HYAL4: variants seen among roughly 807,000 people sequenced by gnomAD.
HYAL4 encodes the protein hyaluronidase-4.
Under a neutral mutation model 35.2 loss-of-function variants are expected in HYAL4, and 37 were observed. The observed-to-expected ratio is 1.05, with a 90% CI of 0.81 to 1.38. The LOEUF (loss-of-function observed/expected upper bound fraction) is 1.38, where lower values mean the gene tolerates loss of function less well. HYAL4 is among the 40% of genes most tolerant of loss of function. The pLI, the probability that HYAL4 is intolerant of heterozygous loss-of-function variation, is 0.00. For synonymous variants in HYAL4, 198 were observed against 203.2 expected (o/e 0.97, Z 0.22); for missense variants, 572 against 572.4 (o/e 1.00, Z 0.01).
At chr7:123,789,898 A>C in the HYAL4 span, among the ~76,000 whole-genome samples, 1 of 152,128 alleles carries the variant, frequency 6.6e-6, no homozygotes, top group Non-Finnish European at 1.5e-5. Flanking sequence ...AGAATGAGTG[A>C]GCCAGAGAGA....
chr7:123,857,675 TTCTTTC>T (rs1357912506), intron 2 of HYAL4, among the ~76,000 whole-genome samples: 6 of 77,298 alleles, frequency 7.8e-5, no homozygotes, highest in Admixed American at 3.9e-4. Context: ...GTTTGTTTCT[TTCTTTC>T]TTTCTTTCTT....
intron 1 of HYAL4, among the ~76,000 whole-genome samples, chr7:123,829,642 C>T (rs672700): frequency 0.025 from 3,802 of 152,032 alleles, 181 homozygotes; most frequent in African/African-American, 0.087. Context: ...ATAAACAAGC[C>T]TGGACAACAT....
intron 2 of HYAL4, among the ~76,000 whole-genome samples, chr7:123,866,736 A>AT (rs1220363281): frequency 2.0e-5 from 3 of 151,344 alleles, no homozygotes; most frequent in African/African-American, 7.3e-5. Flanking sequence ...AGTAGCCACT[A>AT]TCGTCTTCCC....
upstream of HYAL4, among the ~76,000 whole-genome samples, chr7:123,841,567 G>T (rs1806066679): frequency 6.6e-6 from 1 of 151,990 alleles, no homozygotes; most frequent in African/African-American, 2.4e-5. Context: ...AGAAGGAATG[G>T]TACCAGCTCA....
At position 123,868,834 on chromosome 7, in the gene HYAL4, C is replaced by A; in HGVS notation, c.561C>A (p.Ala187=). ...CAGCTACCGATATTGAATATTTAGC[C>A]AAAGTGACCTTTGAAGAAAGTGCAA... ...NVSATDIEYL[A]KVTFEESAKA... is the part of the protein sequence containing the mutation. Residue 187 remains alanine, a synonymous_variant, in exon 3 of 5, where the codon GCC becomes GCA. Transcript: ENST00000223026. 6.2e-7 allele frequency: 1 copy of A among 1,614,134 alleles called. No individual in the cohort carries two copies. The highest frequency in any genetic ancestry group is 1.3e-5 in the African/African-American group (1 of 75,032).
chr7:123,836,583 G>A (rs1435919320), intron 1 of HYAL4, among the ~76,000 whole-genome samples: 3 of 151,544 alleles, frequency 2.0e-5, no homozygotes, highest in East Asian at 1.9e-4. Flanking sequence ...TACATTCAAC[G>A]TTAGTACAGA....
chr7:123,866,756 A>G (rs904972385), intron 2 of HYAL4, among the ~76,000 whole-genome samples: 5 of 151,258 alleles, frequency 3.3e-5, no homozygotes, highest in African/African-American at 9.7e-5. Context: ...CTCTTCTACT[A>G]TCCAAACACC....
chr7:123,803,320 C>T, the HYAL4 span, among the ~76,000 whole-genome samples: 1 of 151,944 alleles, frequency 6.6e-6, no homozygotes. Context: ...AAAAGGGGGC[C>T]ACAGCGACAT....
chr7:123,789,433 A>G, the HYAL4 span, among the ~76,000 whole-genome samples: 11 of 152,188 alleles, frequency 7.2e-5, no homozygotes, highest in Non-Finnish European at 1.2e-4. Context: ...ACCTTGAACA[A>G]TGACATACAC....
chr7:123,785,880 AG>A, the HYAL4 span, among the ~76,000 whole-genome samples: 1 of 152,196 alleles, frequency 6.6e-6, no homozygotes, highest in South Asian at 2.1e-4. This position sits in a 1 kb window ranked among gnomAD's most constrained non-coding sequence, Gnocchi z 4.5. Context: ...TTGCTATCCT[AG>A]GCAAAATGTA....
the HYAL4 span, among the ~76,000 whole-genome samples, chr7:123,764,609 G>C: frequency 6.6e-6 from 1 of 152,220 alleles, no homozygotes; most frequent in Non-Finnish European, 1.5e-5. Context: ...GGAATGGAGT[G>C]AGTGACGAAG....
intron 2 of HYAL4, among the ~76,000 whole-genome samples, chr7:123,865,469 A>G (rs1806665663): frequency 6.6e-6 from 1 of 152,202 alleles, no homozygotes; most frequent in Non-Finnish European, 1.5e-5. Context: ...CATAATTTAG[A>G]GCTACAGTAT....
the HYAL4 span, among the ~76,000 whole-genome samples, chr7:123,771,887 A>G: frequency 6.6e-6 from 1 of 151,210 alleles, no homozygotes; most frequent in African/African-American, 2.4e-5. Flanking sequence ...ATTGCCCAAG[A>G]TGGAGGGCAT....
intron 2 of HYAL4, among the ~76,000 whole-genome samples, chr7:123,862,100 G>C (rs1172700073): frequency 1.3e-5 from 2 of 152,112 alleles, no homozygotes; most frequent in African/African-American, 2.4e-5. Context: ...GCTCTAATAA[G>C]CTTTTATTAG....
At chr7:123,773,905 A>G in the HYAL4 span, among the ~76,000 whole-genome samples, 2 of 152,334 alleles carry the variant, frequency 1.3e-5, no homozygotes, top group African/African-American at 4.8e-5. Flanking sequence ...ATATTCATCC[A>G]TCCATTCATC....
At chr7:123,807,969 C>A in the HYAL4 span, among the ~76,000 whole-genome samples, 10 of 140,272 alleles carry the variant, frequency 7.1e-5, no homozygotes, top group African/African-American at 2.7e-4. Context: ...GAGACAGACT[C>A]CCACTGTGTT....
the HYAL4 span, among the ~76,000 whole-genome samples, chr7:123,786,189 A>G: frequency 6.6e-6 from 1 of 152,238 alleles, no homozygotes; most frequent in Admixed American, 6.5e-5. Flanking sequence ...CTGTGCTTTA[A>G]GCAGAAGTCA....
the HYAL4 span, among the ~76,000 whole-genome samples, chr7:123,811,176 G>A: frequency 2.0e-5 from 3 of 152,038 alleles, no homozygotes; most frequent in South Asian, 2.1e-4. Context: ...TTGTGTGGGT[G>A]TAAGTTTCCA....
At chr7:123,855,665 A>G (rs2116936282) in intron 2 of HYAL4, among the ~76,000 whole-genome samples, 1 of 152,032 alleles carries the variant, frequency 6.6e-6, no homozygotes, top group East Asian at 1.9e-4. Context: ...GTAATCTGAC[A>G]ATTATGTGTC....
Sources: gnomAD v4.1 joint callset for allele counts (sites outside exome capture counted in the v4.1 genomes callset) on GRCh38, gnomAD v4.1.1 for gene constraint, Gnocchi (gnomAD v3.1) non-coding constraint, MANE v1.5 for transcripts, NCBI Gene and HGNC (gene_info 2026-07-23, HGNC 2026-07-21) for gene names.